The following AFG2A variants were observed in gnomAD, a reference collection of about 807,000 sequenced individuals.
The protein encoded by AFG2A is AAA ATPase AFG2A, also known as ATPase family gene 2 protein homolog A.
the AFG2A span, among the ~76,000 whole-genome samples, chr4:123,293,662 A>C: frequency 6.6e-6 from 1 of 152,186 alleles, no homozygotes; most frequent in Non-Finnish European, 1.5e-5. Flanking sequence ...ACTACAGCTC[A>C]GGCCTAGGGC....
chr4:123,049,198 C>A, the AFG2A span, among the ~76,000 whole-genome samples: 2 of 152,038 alleles, frequency 1.3e-5, no homozygotes, highest in Non-Finnish European at 2.9e-5. Context: ...TCCTTGCATC[C>A]CTGGGATGAA....
At chr4:123,255,520 G>A in the AFG2A span, among the ~76,000 whole-genome samples, 1 of 149,702 alleles carries the variant, frequency 6.7e-6, no homozygotes, top group Non-Finnish European at 1.5e-5. Flanking sequence ...AAAACACCAA[G>A]TGCTGGGATT....
chr4:123,070,999 A>T, the AFG2A span, among the ~76,000 whole-genome samples: 1 of 152,204 alleles, frequency 6.6e-6, no homozygotes, highest in Non-Finnish European at 1.5e-5. Context: ...AAAGCATTTA[A>T]TCTGCTTAAA....
At chr4:123,244,792 T>C in the AFG2A span, among the ~76,000 whole-genome samples, 2 of 152,226 alleles carry the variant, frequency 1.3e-5, no homozygotes, top group African/African-American at 4.8e-5. Flanking sequence ...TGCTGTCTTA[T>C]ATATTTCTTG....
the AFG2A span, among the ~76,000 whole-genome samples, chr4:123,070,200 A>C: frequency 6.6e-6 from 1 of 152,192 alleles, no homozygotes; most frequent in African/African-American, 2.4e-5. Context: ...AAAGATTTAA[A>C]AGGTATCTTC....
At chr4:123,199,457 C>A in the AFG2A span, among the ~76,000 whole-genome samples, 1 of 130,492 alleles carries the variant, frequency 7.7e-6, no homozygotes, top group South Asian at 2.5e-4. Flanking sequence ...ATGATATACT[C>A]AGAGGTTTTT....
chr4:123,061,699 C>CA, the AFG2A span, among the ~76,000 whole-genome samples: 1 of 152,208 alleles, frequency 6.6e-6, no homozygotes. Flanking sequence ...CCACCCCCCT[C>CA]ACATTTGGTA....
chr4:123,106,868 C>T, the AFG2A span, among the ~76,000 whole-genome samples: 2 of 152,340 alleles, frequency 1.3e-5, no homozygotes, highest in Admixed American at 1.3e-4. Flanking sequence ...GCGAGCGAGG[C>T]GTGGAGCGGT....
At chr4:123,216,471 T>G in the AFG2A span, among the ~76,000 whole-genome samples, 1 of 152,110 alleles carries the variant, frequency 6.6e-6, no homozygotes, top group African/African-American at 2.4e-5. Context: ...CATAACAGAA[T>G]GAGAAACTAT....
chr4:123,019,481 A>G, the AFG2A span, among the ~76,000 whole-genome samples: 4 of 152,206 alleles, frequency 2.6e-5, no homozygotes, highest in East Asian at 7.7e-4. Flanking sequence ...GTATTGGCAT[A>G]CAGATAATTC....
At chr4:123,024,145 A>G in the AFG2A span, among the ~76,000 whole-genome samples, 1 of 151,302 alleles carries the variant, frequency 6.6e-6, no homozygotes, top group Non-Finnish European at 1.5e-5. Flanking sequence ...TCAAAGAAGC[A>G]TTGGAAGAAG....
chr4:123,201,717 A>G, the AFG2A span, among the ~76,000 whole-genome samples: 2 of 152,270 alleles, frequency 1.3e-5, no homozygotes, highest in Admixed American at 1.3e-4. Flanking sequence ...CCAGGAGTTC[A>G]ATACCAGCCT....
chr4:123,035,799 A>G, the AFG2A span, among the ~76,000 whole-genome samples: 1 of 152,164 alleles, frequency 6.6e-6, no homozygotes, highest in African/African-American at 2.4e-5. Context: ...AATAAGAACT[A>G]TAACAAAACC....
At chr4:123,309,938 A>C in the AFG2A span, among the ~76,000 whole-genome samples, 1 of 152,226 alleles carries the variant, frequency 6.6e-6, no homozygotes, top group Non-Finnish European at 1.5e-5. Flanking sequence ...GACCATGAGA[A>C]GAGCAGGAGA....
chr4:123,131,062 TG>T, the AFG2A span, among the ~76,000 whole-genome samples: 2 of 75,774 alleles, frequency 2.6e-5, no homozygotes, highest in East Asian at 7.2e-3. Flanking sequence ...TTGAACATTT[TG>T]TTTTGGTGAA....
the AFG2A span, among the ~76,000 whole-genome samples, chr4:123,190,525 A>G: frequency 2.0e-5 from 3 of 152,302 alleles, no homozygotes; most frequent in Non-Finnish European, 2.9e-5. Context: ...TGCATATTTA[A>G]TCGAGCCAGA....
At chr4:122,949,294 G>A in the AFG2A span, among the ~76,000 whole-genome samples, 4 of 152,162 alleles carry the variant, frequency 2.6e-5, no homozygotes, top group African/African-American at 9.7e-5. Context: ...CCTACAGTGG[G>A]GAGTGACATT....
At chr4:123,099,421 A>C in the AFG2A span, among the ~76,000 whole-genome samples, 1 of 151,526 alleles carries the variant, frequency 6.6e-6, no homozygotes, top group Middle Eastern at 3.2e-3. Context: ...TCAAAAAATT[A>C]TTGTCCAGGC....
chr4:123,226,444 G>A, the AFG2A span, among the ~76,000 whole-genome samples: 2 of 152,130 alleles, frequency 1.3e-5, no homozygotes, highest in East Asian at 3.8e-4. Flanking sequence ...TTTGTCAAAG[G>A]CCTTTTCTGC....
Sources: gnomAD v4.1 joint callset for allele counts (sites outside exome capture counted in the v4.1 genomes callset) on GRCh38, gnomAD v4.1.1 for gene constraint, MANE v1.5 for transcripts, NCBI Gene and HGNC (gene_info 2026-07-23, HGNC 2026-07-21) for gene names.